The following MARK1 variants were observed in gnomAD, a reference collection of about 807,000 sequenced individuals.
MARK1 encodes microtubule affinity regulating kinase 1, also known as serine/threonine-protein kinase MARK1.
In MARK1, 40 loss-of-function variants were observed where a neutral mutation model predicts 96.3. That is an observed-to-expected ratio of 0.42 (90% confidence interval 0.32 to 0.54). MARK1 has a LOEUF of 0.54. Among genes scored for constraint, MARK1 ranks in the 20% least tolerant of loss-of-function variants. The pLI is 0.16. For synonymous variants in MARK1, 317 were observed against 341.2 expected, an observed-to-expected ratio of 0.93 and a Z score of 0.78; for missense variants, 719 against 984.6, an observed-to-expected ratio of 0.73 and a Z score of 3.61.
chr1:220,567,844 TAA>T (rs1432771687), intron 1 of MARK1, among the ~76,000 whole-genome samples: 2 of 152,212 alleles, frequency 1.3e-5, no homozygotes, highest in Non-Finnish European at 2.9e-5. Context: ...TATTTGATAC[TAA>T]GTCTGTCTAG....
At chr1:220,592,364 A>G (rs556172972) in intron 3 of MARK1, among the ~76,000 whole-genome samples, 5 of 152,038 alleles carry the variant, frequency 3.3e-5, no homozygotes, top group African/African-American at 9.6e-5. Flanking sequence ...GCAAGGACCT[A>G]TGTACAGTCT....
At chr1:220,611,617 T>C (rs191267269) in intron 6 of MARK1, among the ~76,000 whole-genome samples, 96 of 152,348 alleles carry the variant, frequency 6.3e-4, no homozygotes, top group Non-Finnish European at 1.0e-3. Flanking sequence ...GTTGGAAATA[T>C]AGAAATCACC....
chr1:220,628,486 G>A (rs1004616310), intron 9 of MARK1, among the ~76,000 whole-genome samples: 8 of 152,116 alleles, frequency 5.3e-5, no homozygotes, highest in Non-Finnish European at 1.0e-4. Flanking sequence ...TTATTTAGGC[G>A]TCACCTTATT....
At chr1:220,541,894 A>G (rs529272370) in intron 1 of MARK1, among the ~76,000 whole-genome samples, 82 of 152,298 alleles carry the variant, frequency 5.4e-4, no homozygotes, top group African/African-American at 2.0e-3. Flanking sequence ...GCAATTAGTG[A>G]TAGGGAAGGA....
intron 2 of MARK1, among the ~76,000 whole-genome samples, chr1:220,580,260 A>C (rs1664144025): frequency 6.6e-6 from 1 of 152,004 alleles, no homozygotes; most frequent in Non-Finnish European, 1.5e-5. Context: ...AAGTGGGCAT[A>C]ATTGCTTGAG....
At chr1:220,590,502 T>C (rs575397070) in intron 3 of MARK1, among the ~76,000 whole-genome samples, 2 of 152,192 alleles carry the variant, frequency 1.3e-5, no homozygotes, top group African/African-American at 4.8e-5. Flanking sequence ...CCCACTCTTC[T>C]GACCTTATTT....
chr1:220,622,951 A>G (rs1667126944), intron 9 of MARK1, among the ~76,000 whole-genome samples: 2 of 152,190 alleles, frequency 1.3e-5, no homozygotes, highest in South Asian at 4.1e-4. Context: ...AGCTGGTTTA[A>G]TTCTTTAATT....
chr1:220,625,744 C>G, intron 9 of MARK1: 1 of 440,826 alleles, frequency 2.3e-6, no homozygotes. Context: ...AGCAAGATGA[C>G]GCAGACACAG....
intron 9 of MARK1, among the ~76,000 whole-genome samples, chr1:220,629,946 T>C (rs1667575427): frequency 1.3e-5 from 2 of 152,184 alleles, no homozygotes; most frequent in East Asian, 3.8e-4. Flanking sequence ...CTGCTTTCAG[T>C]TTTTTTGGAT....
intron 1 of MARK1, among the ~76,000 whole-genome samples, chr1:220,547,748 A>G (rs1661599184): frequency 6.6e-6 from 1 of 152,078 alleles, no homozygotes; most frequent in Non-Finnish European, 1.5e-5. Flanking sequence ...TTGTATTTTT[A>G]GTAGAGACAG....
chr1:220,661,024 G>A (rs2103077836), intron 17 of MARK1, among the ~76,000 whole-genome samples: 1 of 152,272 alleles, frequency 6.6e-6, no homozygotes, highest in South Asian at 2.1e-4. Flanking sequence ...GCAAAGATTT[G>A]AAAAAAGCAA....
At chr1:220,613,135 A>G (rs1410413021) in intron 6 of MARK1, among the ~76,000 whole-genome samples, 1 of 152,220 alleles carries the variant, frequency 6.6e-6, no homozygotes, top group Non-Finnish European at 1.5e-5. Flanking sequence ...TATTTATGGA[A>G]GTACAGAATG....
At chr1:220,559,906 G>A (rs1286477962) in intron 1 of MARK1, among the ~76,000 whole-genome samples, 1 of 81,666 alleles carries the variant, frequency 1.2e-5, no homozygotes, top group Non-Finnish European at 2.8e-5. Context: ...ACATACTTGG[G>A]GTGTATGTTC....
intron 17 of MARK1, among the ~76,000 whole-genome samples, chr1:220,658,098 G>T (rs1448082304): frequency 1.3e-5 from 2 of 152,168 alleles, no homozygotes; most frequent in South Asian, 2.1e-4. Context: ...TCAAGCTAAA[G>T]AATTAATAGA....
chr1:220,639,129 G>A (rs1668130491), intron 13 of MARK1, among the ~76,000 whole-genome samples: 1 of 151,988 alleles, frequency 6.6e-6, no homozygotes, highest in African/African-American at 2.4e-5. Flanking sequence ...GTTCCAGCAT[G>A]CCTATAGTTC....
chr1:220,626,220 A>G, intron 9 of MARK1: 1 of 543,340 alleles, frequency 1.8e-6, no homozygotes, highest in Non-Finnish European at 3.6e-6. Context: ...CCATCCTGGA[A>G]CTGCTAACCT....
At chr1:220,607,595 G>C (rs1442118130) in intron 6 of MARK1, among the ~76,000 whole-genome samples, 1 of 151,802 alleles carries the variant, frequency 6.6e-6, no homozygotes, top group Non-Finnish European at 1.5e-5. Context: ...TCCCTGTCGT[G>C]TGCCGGTTTT....
intron 11 of MARK1, among the ~76,000 whole-genome samples, chr1:220,632,848 T>C (rs1199211162): frequency 6.6e-6 from 1 of 152,182 alleles, no homozygotes; most frequent in East Asian, 1.9e-4. Flanking sequence ...TGCATACAAA[T>C]GGTGAACTAT....
chr1:220,642,823 C>T (rs554649493), intron 13 of MARK1, among the ~76,000 whole-genome samples: 1 of 152,198 alleles, frequency 6.6e-6, no homozygotes, highest in Middle Eastern at 3.4e-3. Context: ...CCCAGGCAAA[C>T]GGTCTGGAGT....
Sources: allele counts gnomAD v4.1 joint callset (sites outside exome capture counted in the v4.1 genomes callset), GRCh38; gene constraint gnomAD v4.1.1; transcripts MANE v1.5; gene names NCBI Gene and HGNC (gene_info 2026-07-23, HGNC 2026-07-21).